The following NR3C1 variants were observed in gnomAD, a reference collection of about 807,000 sequenced individuals.
The protein encoded by NR3C1 is glucocorticoid receptor.
In NR3C1, 14 loss-of-function variants were observed where a neutral mutation model predicts 74.0. The observed-to-expected ratio is 0.19, with a 90% CI of 0.12 to 0.30. NR3C1 has a LOEUF of 0.30. Ranked by LOEUF, NR3C1 falls within the 10% of genes least tolerant of loss-of-function variation. The pLI is 1.00. For missense variants in NR3C1, 695 were observed against 909.8 expected, an observed-to-expected ratio of 0.76 and a Z score of 3.04; for synonymous variants, 308 against 332.5, an observed-to-expected ratio of 0.93 and a Z score of 0.80.
intron 1 of NR3C1, among the ~76,000 whole-genome samples, chr5:143,433,010 G>A (rs1468334964): frequency 6.6e-6 from 1 of 152,134 alleles, no homozygotes; most frequent in Admixed American, 6.5e-5. Context: ...ACAGTAGCTC[G>A]ATTTAGTTTC....
At chr5:143,424,061 G>C (rs1181475895) in intron 1 of NR3C1, among the ~76,000 whole-genome samples, 1 of 136,102 alleles carries the variant, frequency 7.3e-6, no homozygotes, top group Non-Finnish European at 1.6e-5. Context: ...GGGGACTGTT[G>C]TGGGGTGTGG....
At chr5:143,309,646 A>AC (rs1820481491) in intron 4 of NR3C1, among the ~76,000 whole-genome samples, 2 of 150,554 alleles carry the variant, frequency 1.3e-5, no homozygotes, top group African/African-American at 2.4e-5. Context: ...TTTTCCCACC[A>AC]CCCCCCGCTT....
At chr5:143,392,132 A>C (rs993043286) in intron 2 of NR3C1, among the ~76,000 whole-genome samples, 3 of 151,866 alleles carry the variant, frequency 2.0e-5, no homozygotes, top group African/African-American at 4.8e-5. Context: ...TGCCCGGCTA[A>C]TTTTCTGTAT....
intron 7 of NR3C1, among the ~76,000 whole-genome samples, chr5:143,287,661 T>C (rs1406430710): frequency 1.3e-5 from 2 of 152,168 alleles, no homozygotes; most frequent in Non-Finnish European, 2.9e-5. Flanking sequence ...AAGAGGCTAG[T>C]ACTACCCTGG....
chr5:143,295,494 A>C lies in NR3C1; in HGVS notation c.1989T>G (p.Tyr663Ter). The C allele has an allele frequency of 6.2e-7, 1 of 1,613,204 alleles. No individual in the cohort carries two copies. The highest frequency in any genetic ancestry group is 8.5e-7 in the Non-Finnish European group (1 of 1,179,392). ...LHRLQVSYEE[Y>*]LCMKTLLLLS... is the part of the protein sequence containing the mutation. ...GAAGCAGTAAGGTTTTCATACAGAGATACTCTTCATAAGATACCTGAAGCC... is the reference window on the plus strand; with the variant it reads ...GAAGCAGTAAGGTTTTCATACAGAGCTACTCTTCATAAGATACCTGAAGCC... The change falls in exon 7 of 9, where the codon TAT (tyrosine) becomes TAG (stop). Residue 663 changes from tyrosine (Y) to a stop codon, truncating the protein, a stop_gained. Coordinates refer to ENST00000394464, the MANE Select transcript of NR3C1 (RefSeq NM_000176.3). LOFTEE classifies it high-confidence loss of function.
At chr5:143,430,894 AG>A (rs987487294) in intron 1 of NR3C1, among the ~76,000 whole-genome samples, 13 of 152,168 alleles carry the variant, frequency 8.5e-5, no homozygotes, top group Admixed American at 3.3e-4. Flanking sequence ...CACCGTGTTT[AG>A]GGGTGTTGAG....
At position 143,300,592 on chromosome 5, in the gene NR3C1, C is replaced by T; in HGVS notation, c.1640G>A (p.Gly547Glu). The T allele has an allele frequency of 6.2e-7, 1 of 1,614,202 alleles. No individual in the cohort carries two copies. The highest frequency in any genetic ancestry group is 8.5e-7 in the Non-Finnish European group (1 of 1,180,020). The change falls in exon 5 of 9, where the codon GGA becomes GAA. Residue 547 changes from glycine to glutamate, a missense_variant. Around this residue, in one of 4 missense-constraint regions of NR3C1, gnomAD observed 133 missense variants for 287.9 expected, o/e 0.46. Coordinates refer to ENST00000394464, the MANE Select transcript of NR3C1 (RefSeq NM_000176.3). This position sits in a 1 kb window ranked among gnomAD's most constrained non-coding sequence, Gnocchi z 5.2. ...EVIEPEVLYAGYDSSVPDSTW... is the reference protein window; with the variant it reads ...EVIEPEVLYAEYDSSVPDSTW... ...TGAGTCTGGAACAGAGCTATCATAT[C>T]CTGCATATAACACTTCAGGTTCAAT...
chr5:143,413,049 C>T (rs1841349942), intron 1 of NR3C1, among the ~76,000 whole-genome samples: 1 of 152,160 alleles, frequency 6.6e-6, no homozygotes, highest in South Asian at 2.1e-4. Context: ...AAAATAGCAA[C>T]TATTATATGT....
intron 5 of NR3C1, 72 bp from the exon 6 acceptor site, chr5:143,298,884 C>G: frequency 6.7e-7 from 1 of 1,494,208 alleles, no homozygotes; most frequent in Non-Finnish European, 9.2e-7. Context: ...TGCCAAGGAG[C>G]AATGAGATCA....
chr5:143,402,708 G>A, intron 1 of NR3C1: 1 of 985,310 alleles, frequency 1.0e-6, no homozygotes, highest in Non-Finnish European at 1.2e-6. Context: ...ACCCTCACGC[G>A]CCCCGCACGC....
At chr5:143,340,964 T>A (rs931330581) in intron 2 of NR3C1, among the ~76,000 whole-genome samples, 4 of 152,052 alleles carry the variant, frequency 2.6e-5, no homozygotes, top group African/African-American at 9.7e-5. Flanking sequence ...TCTTTTCTGC[T>A]CCTCTCCCTC....
chr5:143,313,943 C>G, intron 3 of NR3C1, 59 bp downstream of exon 3: 1 of 1,578,724 alleles, frequency 6.3e-7, no homozygotes, highest in Non-Finnish European at 8.7e-7. Context: ...ATTTCAAAAT[C>G]CACCCTGAGA....
chr5:143,384,887 G>C lies in NR3C1; in HGVS notation c.1184+14769C>G, dbSNP rs565578306. On this transcript the variant is annotated intron_variant, in intron 2 of 8. Coordinates refer to ENST00000394464, the MANE Select transcript of NR3C1 (RefSeq NM_000176.3). ...TAGGCAGTGCCCCAGTGGGGTCTCT[G>C]TGTGGGGGCTCTAACCCCATGTATC... Among the ~76,000 whole-genome samples the C allele has an allele frequency of 3.3e-5, 5 of 152,346 alleles. No homozygotes were observed. In the South Asian group the frequency reaches 8.3e-4, roughly 25 times the overall value.
chr5:143,409,743 C>T (rs1448966205), intron 1 of NR3C1, among the ~76,000 whole-genome samples: 1 of 152,166 alleles, frequency 6.6e-6, no homozygotes, highest in Non-Finnish European at 1.5e-5. Flanking sequence ...ACTAGTACAG[C>T]AAGTTCTTAA....
At chr5:143,354,817 G>A (rs1345032520) in intron 2 of NR3C1, among the ~76,000 whole-genome samples, 2 of 151,832 alleles carry the variant, frequency 1.3e-5, no homozygotes, top group African/African-American at 4.8e-5. Context: ...CGGCTACTGG[G>A]GAGGCTGAGG....
At chr5:143,390,154 C>G (rs1421484262) in intron 2 of NR3C1, among the ~76,000 whole-genome samples, 1 of 152,086 alleles carries the variant, frequency 6.6e-6, no homozygotes, top group Non-Finnish European at 1.5e-5. Context: ...ATTTTTTGAA[C>G]AGTAAACATG....
At position 143,384,401 on chromosome 5, in the gene NR3C1, C is replaced by G. The variant is rs1836803925; in HGVS notation, c.1184+15255G>C. 3.3e-5 allele frequency among the ~76,000 whole-genome samples: 5 copies of G among 152,306 alleles called. No individual in the cohort carries two copies. In the South Asian group the frequency reaches 8.3e-4, roughly 25 times the overall value. On this transcript the variant is annotated intron_variant, in intron 2 of 8. Transcript: ENST00000394464. ...TAGTCCCCGGAAGTCTTAACTCCTTCCAGCATTAACTCAAAAGTCCAAGTA... is the reference window on the plus strand; with the variant it reads ...TAGTCCCCGGAAGTCTTAACTCCTTGCAGCATTAACTCAAAAGTCCAAGTA...
chr5:143,401,786 C>A, intron 1 of NR3C1, among the ~76,000 whole-genome samples: 1 of 152,182 alleles, frequency 6.6e-6, no homozygotes. Flanking sequence ...TGGAAAAACA[C>A]AGAACCGTAA....
chr5:143,368,033 T>C (rs1833563878), intron 2 of NR3C1, among the ~76,000 whole-genome samples: 1 of 152,216 alleles, frequency 6.6e-6, no homozygotes, highest in Non-Finnish European at 1.5e-5. Context: ...AGTGTGGTAC[T>C]GGCATAAGAT....
Sources: allele counts gnomAD v4.1 joint callset (sites outside exome capture counted in the v4.1 genomes callset), GRCh38; gene constraint gnomAD v4.1.1; regional missense constraint gnomAD v4.1.1; non-coding constraint Gnocchi (gnomAD v3.1); transcripts MANE v1.5; gene names NCBI Gene and HGNC (gene_info 2026-07-23, HGNC 2026-07-21).